CDH2: variants seen among roughly 807,000 people sequenced by gnomAD.
The protein encoded by CDH2 is cadherin 2, also known as cadherin-2.
A neutral mutation model predicts 92.0 loss-of-function variants in CDH2; 17 were observed. The observed-to-expected ratio is 0.18, with a 90% CI of 0.13 to 0.28. The LOEUF is 0.28. CDH2 is among the 10% of genes least tolerant of loss of function. The pLI is 1.00. For synonymous variants in CDH2, 419 were observed against 415.9 expected, an observed-to-expected ratio of 1.01 and a Z score of -0.09; for missense variants, 862 against 1,133.1, an observed-to-expected ratio of 0.76 and a Z score of 3.44.
At chr18:27,959,783 A>T (rs965428575) in intron 15 of CDH2, among the ~76,000 whole-genome samples, 3 of 152,090 alleles carry the variant, frequency 2.0e-5, no homozygotes, top group African/African-American at 7.2e-5. Context: ...CTCCAACTCT[A>T]GGGGCATTTC....
downstream of CDH2, among the ~76,000 whole-genome samples, chr18:27,949,364 G>A (rs1909354378): frequency 6.6e-6 from 1 of 151,876 alleles, no homozygotes; most frequent in Non-Finnish European, 1.5e-5. Flanking sequence ...GACTCTACTA[G>A]TACTAGAAAA....
At chr18:28,026,084 G>A (rs2144070613) in intron 2 of CDH2, among the ~76,000 whole-genome samples, 1 of 152,250 alleles carries the variant, frequency 6.6e-6, no homozygotes, top group Non-Finnish European at 1.5e-5. Context: ...ACCAGAATTT[G>A]TCTGTGAAAC....
rs531385970 is a variant in CDH2, at chr18:28,033,231, T to C, written c.173-19322A>G. Among the ~76,000 whole-genome samples, 4 of 152,266 alleles carry C rather than the reference T, an allele frequency of 2.6e-5. No homozygotes were observed. The East Asian group carries it at 7.7e-4, about 29-fold the overall frequency. ...GGTGTCTGGATCAGCACAGCAGTTCTTCCCTCAATGCCTTTGTCAATGATT... is the reference window on the plus strand; with the variant it reads ...GGTGTCTGGATCAGCACAGCAGTTCCTCCCTCAATGCCTTTGTCAATGATT... On this transcript the variant is annotated intron_variant, in intron 2 of 15. Coordinates refer to ENST00000269141, the MANE Select transcript of CDH2 (RefSeq NM_001792.5).
chr18:28,090,592 A>T (rs1249906834), intron 2 of CDH2, among the ~76,000 whole-genome samples: 1 of 152,226 alleles, frequency 6.6e-6, no homozygotes, highest in Non-Finnish European at 1.5e-5. Context: ...TTTAGCTACA[A>T]AATTCAGAAG....
chr18:28,026,501 A>G (rs2013557275), intron 2 of CDH2, among the ~76,000 whole-genome samples: 1 of 152,244 alleles, frequency 6.6e-6, no homozygotes, highest in South Asian at 2.1e-4. Context: ...AGAGGTATCA[A>G]GGGTAGGCAG....
intron 2 of CDH2, among the ~76,000 whole-genome samples, chr18:28,138,185 T>C (rs1296311844): frequency 2.0e-5 from 3 of 151,994 alleles, no homozygotes; most frequent in Admixed American, 6.6e-5. Flanking sequence ...ATTACGTGAT[T>C]GGGTTGTCAG....
intron 14 of CDH2, among the ~76,000 whole-genome samples, chr18:27,977,674 T>C (rs145320654): frequency 1.7e-5 from 1 of 60,274 alleles, no homozygotes; most frequent in East Asian, 4.3e-4. Flanking sequence ...ATCCAGCAAA[T>C]ACTTAAACTG....
intron 1 of CDH2, among the ~76,000 whole-genome samples, chr18:28,160,910 A>G (rs1463863162): frequency 1.3e-5 from 2 of 152,148 alleles, no homozygotes; most frequent in Admixed American, 6.5e-5. Flanking sequence ...GGCATCTGAG[A>G]TACTGTCACC....
chr18:27,957,064 C>T (rs187981072), intron 15 of CDH2, among the ~76,000 whole-genome samples: 1 of 151,934 alleles, frequency 6.6e-6, no homozygotes, highest in African/African-American at 2.4e-5. Context: ...TTGTGCACTT[C>T]TATGTTGTTT....
chr18:27,977,443 T>C (rs1033524566), intron 14 of CDH2, among the ~76,000 whole-genome samples: 2 of 129,486 alleles, frequency 1.5e-5, no homozygotes, highest in South Asian at 2.3e-4. Flanking sequence ...TACCTTGACA[T>C]AGAACTTATA....
intron 14 of CDH2, among the ~76,000 whole-genome samples, chr18:27,976,671 A>G (rs2011841799): frequency 6.6e-6 from 1 of 152,214 alleles, no homozygotes; most frequent in Non-Finnish European, 1.5e-5. Context: ...ATATTTCAAT[A>G]ACGAAATAAT....
intron 2 of CDH2, among the ~76,000 whole-genome samples, chr18:28,042,064 A>G (rs2013958006): frequency 6.6e-6 from 1 of 152,186 alleles, no homozygotes; most frequent in Non-Finnish European, 1.5e-5. Flanking sequence ...TGTAATTGGT[A>G]CATCTGAAAT....
chr18:28,176,345 G>A (rs990072302), intron 1 of CDH2, among the ~76,000 whole-genome samples: 8 of 152,170 alleles, frequency 5.3e-5, no homozygotes, highest in Admixed American at 1.3e-4. Context: ...GGGCAAGAGG[G>A]CCAGATTTTC....
At chr18:27,949,570 T>C (rs186964105), downstream of CDH2, among the ~76,000 whole-genome samples, 144 of 151,920 alleles carry the variant, frequency 9.5e-4, 1 homozygote, top group Non-Finnish European at 2.4e-4. Flanking sequence ...CAAGATACAC[T>C]CAGTGAAAAA....
intron 6 of CDH2, among the ~76,000 whole-genome samples, chr18:27,936,652 C>G (rs1015567672): frequency 6.6e-6 from 1 of 152,168 alleles, no homozygotes; most frequent in Non-Finnish European, 1.5e-5. Flanking sequence ...ACCTCAGCAT[C>G]CTGAGTAGCT....
chr18:27,946,428 T>C (rs1909269778), downstream of CDH2, among the ~76,000 whole-genome samples: 2 of 152,092 alleles, frequency 1.3e-5, no homozygotes. Flanking sequence ...TATTGATACA[T>C]TTTTTAAAAG....
chr18:27,958,843 A>T (rs2011323759), intron 15 of CDH2, among the ~76,000 whole-genome samples: 1 of 152,074 alleles, frequency 6.6e-6, no homozygotes, highest in Admixed American at 6.6e-5. Context: ...ATGGTTTTGT[A>T]AGGGGCTTTT....
chr18:28,124,582 A>T (rs183958310), intron 2 of CDH2, among the ~76,000 whole-genome samples: 1 of 152,332 alleles, frequency 6.6e-6, no homozygotes, highest in African/African-American at 2.4e-5. Flanking sequence ...CTAGTCTTTC[A>T]CATTCAAGGA....
intron 14 of CDH2, among the ~76,000 whole-genome samples, chr18:27,974,773 A>G (rs1182277601): frequency 6.6e-6 from 1 of 152,186 alleles, no homozygotes; most frequent in African/African-American, 2.4e-5. Flanking sequence ...CTTTCATTGT[A>G]TGAGGACACA....
Sources: allele counts gnomAD v4.1 joint callset (sites outside exome capture counted in the v4.1 genomes callset), GRCh38; gene constraint gnomAD v4.1.1; transcripts MANE v1.5; gene names NCBI Gene and HGNC (gene_info 2026-07-23, HGNC 2026-07-21).